Variants in STK24 observed in about 807,000 individuals in gnomAD.
STK24 encodes the protein serine/threonine-protein kinase 24.
A neutral mutation model predicts 55.6 loss-of-function variants in STK24; 21 were observed. The ratio of observed to expected loss-of-function variants is 0.38; its 90% CI spans 0.27 to 0.54. The LOEUF (loss-of-function observed/expected upper bound fraction) is 0.54, where lower values mean the gene tolerates loss of function less well. Ranked by LOEUF, STK24 falls within the 20% of genes least tolerant of loss-of-function variation. STK24 has a pLI of 0.79. For synonymous variants in STK24, 200 were observed against 215.2 expected (o/e 0.93, Z 0.62); for missense variants, 383 against 538.4 (o/e 0.71, Z 2.86).
intron 1 of STK24, among the ~76,000 whole-genome samples, chr13:98,565,035 G>A (rs1185529390): frequency 7.2e-5 from 11 of 152,188 alleles, no homozygotes; most frequent in Non-Finnish European, 1.3e-4. Context: ...TCCAAAGTCA[G>A]TCTTTGGAAA....
chr13:98,456,314 A>G, intron 10 of STK24: 1 of 360,756 alleles, frequency 2.8e-6, no homozygotes, highest in Non-Finnish European at 5.5e-6. Flanking sequence ...CAGTCTCAGG[A>G]AAGACCCAGA....
chr13:98,494,844 C>G (rs1171981717), intron 2 of STK24, among the ~76,000 whole-genome samples: 3 of 152,324 alleles, frequency 2.0e-5, no homozygotes, highest in East Asian at 3.9e-4. Flanking sequence ...CGCACTGAGG[C>G]ACCCCGGGGC....
In STK24 at chr13:98,447,724, C is replaced by T. The variant is rs1892938838; in HGVS notation, c.*5449G>A. On this transcript the variant is annotated 3_prime_UTR_variant, in exon 11 of 11. Coordinates refer to ENST00000539966, the MANE Select transcript of STK24 (RefSeq NM_001032296.4). ...GAGATTTGGGCGTGGTGGTGCAAGC[C>T]TGTAGTCCCATCTCCTGGGAGGCCA... is the stretch of plus-strand genomic sequence containing the variant. The T allele has an allele frequency of 6.4e-6, 1 of 156,944 alleles. No homozygotes were observed. Among genetic ancestry groups the T allele is most frequent in the African/African-American group, 2.4e-5 (1 of 41,472 alleles). The allele number at this position is 156,944 out of a possible 1,614,324, so 9.7% of individuals were successfully genotyped here.
At chr13:98,538,157 C>A (rs572258207) in intron 1 of STK24, among the ~76,000 whole-genome samples, 1 of 150,810 alleles carries the variant, frequency 6.6e-6, no homozygotes, top group Non-Finnish European at 1.5e-5. Flanking sequence ...CCATGCTAAG[C>A]TTCAGGTTTT....
chr13:98,474,802 GCCCTCACCCTC>G lies in STK24; in HGVS notation c.597+8_597+18del, dbSNP rs748802070. Reference sequence around the variant, plus strand: ...TCCAGGCCTCGTGAGGCACGGCGCCGCCCTCACCCTCCCCTCACCTTCGAGTCATAGGCCGA... The same window carrying G: ...TCCAGGCCTCGTGAGGCACGGCGCCGCCCTCACCTTCGAGTCATAGGCCGA... On this transcript the variant is annotated splice_region_variant and intron_variant, in intron 5 of 10. Transcript: ENST00000539966. The G allele has an allele frequency of 3.8e-6, 6 of 1,597,920 alleles. No homozygotes were observed. Among genetic ancestry groups the G allele is most frequent in the Non-Finnish European group, 5.1e-6 (6 of 1,172,508 alleles).
intron 1 of STK24, 94 bp from the exon 2 acceptor site, chr13:98,519,567 G>T: frequency 1.0e-6 from 1 of 954,026 alleles, no homozygotes; most frequent in Non-Finnish European, 1.6e-6. Flanking sequence ...AGACCACACT[G>T]TCTTCCAGGG....
At chr13:98,535,136 G>A (rs1169878066) in intron 1 of STK24, among the ~76,000 whole-genome samples, 1 of 152,068 alleles carries the variant, frequency 6.6e-6, no homozygotes, top group African/African-American at 2.4e-5. Flanking sequence ...ATCACCTGAG[G>A]TCAGGAGTTC....
chr13:98,541,783 T>C (rs1302844566), intron 1 of STK24, among the ~76,000 whole-genome samples: 2 of 152,168 alleles, frequency 1.3e-5, no homozygotes, highest in Non-Finnish European at 2.9e-5. Flanking sequence ...CCTTTTACCA[T>C]GAGGAAGTGT....
intron 2 of STK24, among the ~76,000 whole-genome samples, chr13:98,514,862 A>G (rs1195693961): frequency 1.3e-5 from 2 of 152,170 alleles, no homozygotes; most frequent in Non-Finnish European, 2.9e-5. Flanking sequence ...AATTTTTTTA[A>G]TAAGGGAAAA....
At position 98,504,204 on chromosome 13, in the gene STK24, C is replaced by T. The variant is rs1161693587; in HGVS notation, c.273+15039G>A. ...CCCTGCAGCCTAACTTAACTGAAGA[C>T]AAAAAAAAAACAAACTTTAAAACAA... On this transcript the variant is annotated intron_variant, in intron 2 of 10. Transcript: ENST00000539966. Among the ~76,000 whole-genome samples the T allele has an allele frequency of 3.4e-5, 5 of 146,854 alleles. No individual in the cohort carries two copies. In the East Asian group the frequency reaches 1.0e-3, roughly 29 times the overall value.
At chr13:98,507,260 C>A (rs1895721698) in intron 2 of STK24, among the ~76,000 whole-genome samples, 1 of 152,228 alleles carries the variant, frequency 6.6e-6, no homozygotes, top group African/African-American at 2.4e-5. Flanking sequence ...GGACAACCGT[C>A]AGGTGCAGGG....
chr13:98,566,560 G>A (rs751771451), intron 1 of STK24, among the ~76,000 whole-genome samples: 2 of 152,238 alleles, frequency 1.3e-5, no homozygotes, highest in Non-Finnish European at 2.9e-5. Flanking sequence ...GAGACCCTGA[G>A]GGTTCACCAA....
Position 98,446,818 on chromosome 13 carries a change from G to A in STK24, c.*6355C>T, listed in dbSNP as rs1180299179. On this transcript the variant is annotated 3_prime_UTR_variant, in exon 11 of 11. Coordinates refer to ENST00000539966, the MANE Select transcript of STK24 (RefSeq NM_001032296.4). Reference sequence around the variant, plus strand: ...CGGAAAGCGAGTACACGTTCGAAAGGTAGACACCCCCTTCCCACGCACAGG... The same window carrying A: ...CGGAAAGCGAGTACACGTTCGAAAGATAGACACCCCCTTCCCACGCACAGG... 1 of 1,613,872 alleles carries A rather than the reference G, an allele frequency of 6.2e-7. No individual in the cohort carries two copies. The highest frequency in any genetic ancestry group is 1.3e-5 in the African/African-American group (1 of 74,878).
At chr13:98,515,554 C>T (rs1199947876) in intron 2 of STK24, among the ~76,000 whole-genome samples, 4 of 152,148 alleles carry the variant, frequency 2.6e-5, no homozygotes, top group Admixed American at 2.6e-4. Flanking sequence ...GTTCCTTCTC[C>T]TCCCTAAATT....
chr13:98,497,125 C>T (rs1253919161), intron 2 of STK24, among the ~76,000 whole-genome samples: 3 of 152,170 alleles, frequency 2.0e-5, no homozygotes, highest in Non-Finnish European at 4.4e-5. Context: ...CTTCGGCACA[C>T]CTCTTCTCTG....
chr13:98,460,398 T>C lies in STK24; in HGVS notation c.1096A>G (p.Thr366Ala). 15 of 1,613,306 alleles carry C rather than the reference T, an allele frequency of 9.3e-6. No individual in the cohort carries two copies. Among genetic ancestry groups the C allele is most frequent in the Non-Finnish European group, 1.3e-5 (15 of 1,179,532 alleles). ...PKRPFSQCLS[T>A]IISPLFAELK... ...TCTGCAAACAGAGGAGAAATAATTG[T>C]AGATAAACACTGAGAGAAAGGCCTC... is the stretch of plus-strand genomic sequence containing the variant. Residue 366 changes from threonine to alanine, a missense_variant, in exon 9 of 11, where the codon ACA becomes GCA. Transcript: ENST00000539966.
In STK24 at chr13:98,446,611, C is replaced by T; in HGVS notation, c.*6562G>A. 1 of 1,583,660 alleles carries T rather than the reference C, an allele frequency of 6.3e-7. No homozygotes were observed. ...TGTCTGATGCGGGGCAGCAGCCAGG[C>T]CCAGCAGCAGAAGCTGACCCCGAAA... On this transcript the variant is annotated 3_prime_UTR_variant, in exon 11 of 11. Transcript: ENST00000539966.
Position 98,503,041 on chromosome 13 carries a change from T to TTTTTTTTTTTTTTC in STK24, c.273+16201_273+16202insGAAAAAAAAAAAAA, listed in dbSNP as rs1555306354. On this transcript the variant is annotated intron_variant, in intron 2 of 10. Coordinates refer to ENST00000539966, the MANE Select transcript of STK24 (RefSeq NM_001032296.4). ...TTCCATGTGTTTTTTTTTTTTTTTTTCAGTATGGTACAACTGACCACCAAC... is the reference window on the plus strand; with the variant it reads ...TTCCATGTGTTTTTTTTTTTTTTTTTTTTTTTTTTTTTTCCAGTATGGTACAACTGACCACCAAC... Among the ~76,000 whole-genome samples, 437 of 148,734 alleles carry TTTTTTTTTTTTTTC rather than the reference T, an allele frequency of 2.9e-3. 7 individuals are homozygous for TTTTTTTTTTTTTTC. The highest frequency in any genetic ancestry group is 0.01 in the African/African-American group (408 of 39,228).
At chr13:98,523,258 C>T (rs1334651690) in intron 1 of STK24, among the ~76,000 whole-genome samples, 2 of 152,160 alleles carry the variant, frequency 1.3e-5, no homozygotes, top group African/African-American at 4.8e-5. Context: ...TAAACTGTCC[C>T]GCTCCCATAC....
Sources: allele counts gnomAD v4.1 joint callset (sites outside exome capture counted in the v4.1 genomes callset), GRCh38; gene constraint gnomAD v4.1.1; transcripts MANE v1.5; gene names NCBI Gene and HGNC (gene_info 2026-07-23, HGNC 2026-07-21).